The following ADGRV1 variants were observed in gnomAD, a reference collection of about 807,000 sequenced individuals.
The protein encoded by ADGRV1 is adhesion G protein-coupled receptor V1.
A neutral mutation model predicts 596.2 loss-of-function variants in ADGRV1; 359 were observed. That is an observed-to-expected ratio of 0.60 (90% CI 0.55 to 0.66). The LOEUF (loss-of-function observed/expected upper bound fraction) is 0.66. ADGRV1 is among the 30% of genes least tolerant of loss of function. The pLI, the probability that ADGRV1 is intolerant of heterozygous loss-of-function variation, is 0.00. For synonymous variants in ADGRV1, 2,681 were observed against 2,679.2 expected (o/e 1.00, Z -0.02); for missense variants, 7,274 against 7,575.6 (o/e 0.96, Z 1.48).
At chr5:90,668,253 A>G (rs1771830776) in intron 21 of ADGRV1, among the ~76,000 whole-genome samples, 1 of 151,972 alleles carries the variant, frequency 6.6e-6, no homozygotes, top group African/African-American at 2.4e-5. Flanking sequence ...TGTGCTAGCA[A>G]TCAGCGAGAC....
chr5:90,642,843 T>C lies in ADGRV1; in HGVS notation c.2368-13T>C, dbSNP rs767998502. The stretch of plus-strand genomic sequence containing the variant: ...CTCAAAGGGTTTCAACTTTTGTGGA[T>C]TTGTTTTTAAAGGAAGGAGAATCTG... On this transcript the variant is annotated splice_polypyrimidine_tract_variant and intron_variant, in intron 12 of 89. Transcript: ENST00000405460. The C allele has an allele frequency of 1.0e-5, 16 of 1,597,090 alleles. No individual in the cohort carries two copies. The Admixed American group carries it at 2.1e-4, about 21-fold the overall frequency.
rs1763771719 is a variant in ADGRV1 at position 90,823,359 on chromosome 5, A to C, written c.16197-66A>C. On this transcript the variant is annotated intron_variant, in intron 75 of 89. Transcript: ENST00000405460. Reference sequence around the variant, plus strand: ...GGATGAAGAGGTACCATTATTTGATAATAAACTCTATTAGACATGGGGATG... The same window carrying C: ...GGATGAAGAGGTACCATTATTTGATCATAAACTCTATTAGACATGGGGATG... The C allele has an allele frequency of 3.4e-6, 5 of 1,488,182 alleles. No homozygotes were observed. In the East Asian group the frequency reaches 1.1e-4, roughly 34 times the overall value. The allele number at this position is 1,488,182 out of a possible 1,614,324, so 92.2% of individuals were successfully genotyped here.
intron 1 of ADGRV1, among the ~76,000 whole-genome samples, chr5:90,601,801 T>G (rs1182783746): frequency 6.6e-6 from 1 of 152,172 alleles, no homozygotes; most frequent in South Asian, 2.1e-4. Context: ...TGGGTAACAG[T>G]TTATAGCTTT....
intron 89 of ADGRV1, among the ~76,000 whole-genome samples, chr5:91,159,176 T>C (rs1796734350): frequency 6.6e-6 from 1 of 152,124 alleles, no homozygotes. Flanking sequence ...TTAATTATGT[T>C]AAGATTAACC....
chr5:90,941,137 T>TAA (rs11322873), intron 83 of ADGRV1, among the ~76,000 whole-genome samples: 1,961 of 148,660 alleles, frequency 0.013, 45 homozygotes, highest in African/African-American at 0.046. Context: ...GAAAAGTACT[T>TAA]AAAAAAAAAA....
chr5:91,045,575 C>A (rs1402589873), intron 85 of ADGRV1, among the ~76,000 whole-genome samples: 5 of 152,068 alleles, frequency 3.3e-5, no homozygotes, highest in Non-Finnish European at 7.4e-5. Context: ...AACCCACAGC[C>A]AACATAACAC....
chr5:91,110,974 G>A (rs1272623434), intron 87 of ADGRV1, among the ~76,000 whole-genome samples: 1 of 152,108 alleles, frequency 6.6e-6, no homozygotes, highest in East Asian at 1.9e-4. Context: ...TTCAGAGAGG[G>A]GAGTTACAAC....
chr5:90,581,517 C>T lies in ADGRV1; in HGVS notation c.22+22600C>T, dbSNP rs185773375. Among the ~76,000 whole-genome samples the T allele has an allele frequency of 1.3e-3, 205 of 152,326 alleles. 2 individuals carry two copies. The highest frequency in any genetic ancestry group is 0.011 in the Admixed American group (173 of 15,306). On this transcript the variant is annotated intron_variant, in intron 1 of 89. Transcript: ENST00000405460. ...TTTTCCTTCTAACAGTCAAGTCCCTCATCTGCAGGTCAATTGGAGTTTGCT... is the reference window on the plus strand; with the variant it reads ...TTTTCCTTCTAACAGTCAAGTCCCTTATCTGCAGGTCAATTGGAGTTTGCT...
At chr5:90,581,153 C>T (rs1462260040) in intron 1 of ADGRV1, among the ~76,000 whole-genome samples, 2 of 152,220 alleles carry the variant, frequency 1.3e-5, no homozygotes, top group Non-Finnish European at 2.9e-5. Context: ...AGCCATTCGT[C>T]TAACCTTTTT....
At chr5:90,683,115 G>T (rs1745156411) in intron 27 of ADGRV1, among the ~76,000 whole-genome samples, 1 of 152,228 alleles carries the variant, frequency 6.6e-6, no homozygotes, top group East Asian at 1.9e-4. Flanking sequence ...GGGCATAAAA[G>T]ATACACAAAA....
In ADGRV1 at chr5:90,745,803, TACTGAA is replaced by T; in HGVS notation, c.10974+9_10974+14del. 1 of 1,469,186 alleles carries T rather than the reference TACTGAA, an allele frequency of 6.8e-7. No individual in the cohort carries two copies. The highest frequency in any genetic ancestry group is 9.5e-7 in the Non-Finnish European group (1 of 1,051,048). The allele number at this position is 1,469,186 out of a possible 1,614,324, so 91.0% of individuals were successfully genotyped here. A position where few individuals can be genotyped will look rare whatever the true frequency, so the allele number is the denominator to read the frequency against. ...ATTGTTGCATTTGCTCAGGTAATGA[TACTGAA>T]GACCCCACACTTGCAATGCAAAATG... On this transcript the variant is annotated intron_variant, in intron 52 of 89. Coordinates refer to ENST00000405460, the MANE Select transcript of ADGRV1 (RefSeq NM_032119.4).
At chr5:90,817,673 C>T (rs1462688743) in intron 75 of ADGRV1, among the ~76,000 whole-genome samples, 2 of 152,088 alleles carry the variant, frequency 1.3e-5, no homozygotes, top group African/African-American at 4.8e-5. Context: ...AATAGGGAAT[C>T]CTTTCCCCAT....
At chr5:90,707,325 T>C (rs1429313843) in intron 38 of ADGRV1, among the ~76,000 whole-genome samples, 1 of 152,078 alleles carries the variant, frequency 6.6e-6, no homozygotes, top group Non-Finnish European at 1.5e-5. Context: ...GGAGATAGTG[T>C]GTAGGATAGG....
chr5:90,943,672 A>G (rs1776345175), intron 83 of ADGRV1, among the ~76,000 whole-genome samples: 1 of 152,168 alleles, frequency 6.6e-6, no homozygotes, highest in African/African-American at 2.4e-5. Context: ...AAAGTAGGGA[A>G]GAATCCTTCC....
rs137853917 is a variant in ADGRV1 at position 90,823,536 on chromosome 5, C to A, written c.16308C>A (p.Thr5436=). Residue 5436 remains threonine, a synonymous_variant, in exon 76 of 90, where the codon ACC becomes ACA. Coordinates refer to ENST00000405460, the MANE Select transcript of ADGRV1 (RefSeq NM_032119.4). ...AGGAACTTCAGTCTGTGTCAGGGACCACAACCTGTACAATGGGTCAAACAA... is the reference window on the plus strand; with the variant it reads ...AGGAACTTCAGTCTGTGTCAGGGACAACAACCTGTACAATGGGTCAAACAA... ...LVEELQSVSG[T]TTCTMGQTKC... is the part of the protein sequence containing the mutation. 29 of 1,613,772 alleles carry A rather than the reference C, an allele frequency of 1.8e-5. No individual in the cohort carries two copies. The highest frequency in any genetic ancestry group is 2.4e-5 in the Non-Finnish European group (28 of 1,179,832).
chr5:90,657,893 C>G lies in ADGRV1; in HGVS notation c.4379-12C>G, dbSNP rs765252546. ...AAGGTATTGTAGCATTTAAACTTGT[C>G]TCTAATTTCAGGTCCTGGGATACTG... On this transcript the variant is annotated splice_polypyrimidine_tract_variant and intron_variant, in intron 20 of 89. Transcript: ENST00000405460. 6.3e-7 allele frequency: 1 copy of G among 1,591,036 alleles called. No individual in the cohort carries two copies. The highest frequency in any genetic ancestry group is 1.1e-5 in the South Asian group (1 of 87,294).
chr5:91,133,300 G>A (rs1218388654), intron 87 of ADGRV1, among the ~76,000 whole-genome samples: 2 of 152,188 alleles, frequency 1.3e-5, no homozygotes, highest in Non-Finnish European at 2.9e-5. Flanking sequence ...TTGGGGCCAG[G>A]GGAGGAGAGA....
chr5:90,584,311 A>G (rs1758462873), intron 1 of ADGRV1, among the ~76,000 whole-genome samples: 1 of 152,208 alleles, frequency 6.6e-6, no homozygotes, highest in African/African-American at 2.4e-5. Flanking sequence ...AGAATCCCGA[A>G]GAATGTTTAA....
rs79603253 is a variant in ADGRV1 at position 90,944,738 on chromosome 5, C to T, written c.17857-20677C>T. Among the ~76,000 whole-genome samples the T allele has an allele frequency of 1.4e-3, 212 of 152,076 alleles. 1 individual carries two copies. Among genetic ancestry groups the T allele is most frequent in the African/African-American group, 4.9e-3 (202 of 41,478 alleles). On this transcript the variant is annotated intron_variant, in intron 83 of 89. Transcript: ENST00000405460. ...TCTCATGGAAGTTAATTTATTAGTT[C>T]GAATTATTTAATTGACAAACTGTTG...
Sources: gnomAD v4.1 joint callset for allele counts (sites outside exome capture counted in the v4.1 genomes callset) on GRCh38, gnomAD v4.1.1 for gene constraint, MANE v1.5 for transcripts, NCBI Gene and HGNC (gene_info 2026-07-23, HGNC 2026-07-21) for gene names.